Variants in GNA14 observed in about 807,000 individuals in gnomAD.
The protein encoded by GNA14 is guanine nucleotide-binding protein subunit alpha-14.
A neutral mutation model predicts 42.0 loss-of-function variants in GNA14; 50 were observed. That is an observed-to-expected ratio of 1.19 (90% CI 0.95 to 1.51). The LOEUF is 1.51. Ranked by LOEUF, GNA14 falls within the 40% of genes most tolerant of loss-of-function variation. The probability of loss-of-function intolerance (pLI) is 0.00; values close to 1 mark genes in which losing one functional copy is unlikely to be tolerated. For missense variants in GNA14, 473 were observed against 446.2 expected (o/e 1.06, Z -0.54); for synonymous variants, 173 against 163.1 (o/e 1.06, Z -0.46).
chr9:77,443,983 G>GC (rs1201701647), intron 2 of GNA14, among the ~76,000 whole-genome samples: 3 of 152,012 alleles, frequency 2.0e-5, no homozygotes, highest in Non-Finnish European at 4.4e-5. Context: ...CCTTGTCTCT[G>GC]AAAAAAACAA....
At chr9:77,512,936 T>TA (rs1837193582) in intron 2 of GNA14, among the ~76,000 whole-genome samples, 1 of 152,112 alleles carries the variant, frequency 6.6e-6, no homozygotes, top group African/African-American at 2.4e-5. Context: ...TCAAGGAAAA[T>TA]AAAAAAATAT....
chr9:77,516,861 C>T (rs1370434267), intron 2 of GNA14, among the ~76,000 whole-genome samples: 1 of 152,212 alleles, frequency 6.6e-6, no homozygotes, highest in Non-Finnish European at 1.5e-5. Flanking sequence ...ATCAAAACAT[C>T]TCTTACAACA....
At position 77,644,437 on chromosome 9, in the gene GNA14, C is replaced by CCAAAAAAAAAAAA. The variant is rs778013639; in HGVS notation, c.124+3232_124+3233insTTTTTTTTTTTTG. 4.2e-3 allele frequency among the ~76,000 whole-genome samples: 142 copies of CCAAAAAAAAAAAA among 34,022 alleles called. 3 individuals carry two copies. The highest frequency in any genetic ancestry group is 6.9e-3 in the South Asian group (4 of 576). The allele number at this position is 34,022 out of a possible 152,430, so 22.3% of individuals were successfully genotyped here. A position where few individuals can be genotyped will look rare whatever the true frequency, so the allele number is the denominator to read the frequency against. ...TACTGAACTCCAACCTAAAGAGTGT[C>CCAAAAAAAAAAAA]AAAAAAAAAAAAAAAAAAAAAAAAA... On this transcript the variant is annotated intron_variant, in intron 1 of 6. Transcript: ENST00000341700.
At chr9:77,511,641 G>A (rs1837172315) in intron 2 of GNA14, among the ~76,000 whole-genome samples, 1 of 152,196 alleles carries the variant, frequency 6.6e-6, no homozygotes, top group Non-Finnish European at 1.5e-5. Flanking sequence ...ATCCCAAGTG[G>A]GCACAGACCA....
chr9:77,579,011 C>T (rs1173750256), intron 1 of GNA14, among the ~76,000 whole-genome samples: 2 of 152,170 alleles, frequency 1.3e-5, no homozygotes, highest in Non-Finnish European at 2.9e-5. Flanking sequence ...ACTGCTGGGC[C>T]ACTGCCTCTG....
chr9:77,607,872 G>C (rs1823664223), intron 1 of GNA14, among the ~76,000 whole-genome samples: 3 of 152,090 alleles, frequency 2.0e-5, no homozygotes. Context: ...CATTGGACTG[G>C]GACCGCACCC....
intron 2 of GNA14, among the ~76,000 whole-genome samples, chr9:77,508,829 A>T (rs1837112104): frequency 6.6e-6 from 1 of 152,194 alleles, no homozygotes; most frequent in Non-Finnish European, 1.5e-5. Flanking sequence ...AGGGATGCAG[A>T]AGTAGCTTGA....
intron 1 of GNA14, among the ~76,000 whole-genome samples, chr9:77,613,239 T>G (rs2117949895): frequency 6.6e-6 from 1 of 152,312 alleles, no homozygotes; most frequent in African/African-American, 2.4e-5. Context: ...CATATAAATT[T>G]TAAGAGACAC....
At chr9:77,621,600 T>C (rs536816694) in intron 1 of GNA14, among the ~76,000 whole-genome samples, 1 of 152,280 alleles carries the variant, frequency 6.6e-6, no homozygotes, top group East Asian at 1.9e-4. Flanking sequence ...CCCGTTAATA[T>C]AGACACAAAT....
intron 2 of GNA14, among the ~76,000 whole-genome samples, chr9:77,505,896 T>C (rs1321551303): frequency 3.3e-5 from 5 of 152,162 alleles, no homozygotes; most frequent in Non-Finnish European, 5.9e-5. Context: ...GAAAATAGGT[T>C]AGACCAGCAC....
intron 2 of GNA14, among the ~76,000 whole-genome samples, chr9:77,515,960 C>CAAAAAAAAAGAAA (rs1837248845): frequency 1.9e-5 from 1 of 52,736 alleles, no homozygotes; most frequent in Non-Finnish European, 3.5e-5. Flanking sequence ...CCCTGTCTCA[C>CAAAAAAAAAGAAA]AAAAAAAAAA....
intron 2 of GNA14, among the ~76,000 whole-genome samples, chr9:77,479,216 G>A (rs1046877035): frequency 6.6e-6 from 1 of 152,182 alleles, no homozygotes; most frequent in Non-Finnish European, 1.5e-5. Flanking sequence ...GTAAGGAAGG[G>A]ATCCAGTTTC....
rs369680503 is a variant in GNA14 at position 77,457,540 on chromosome 9, C to T, written c.310-23018G>A. Among the ~76,000 whole-genome samples, 8 of 152,164 alleles carry T rather than the reference C, an allele frequency of 5.3e-5. No individual in the cohort carries two copies. In the South Asian group the frequency reaches 1.0e-3, roughly 20 times the overall value. On this transcript the variant is annotated intron_variant, in intron 2 of 6. Coordinates refer to ENST00000341700, the MANE Select transcript of GNA14 (RefSeq NM_004297.4). ...GTGTGATGGACCGGCAATGCCCTAC[C>T]GGAGTGTGAGAAAGCAGCCAAGAGG...
chr9:77,601,318 A>G (rs1339417142), intron 1 of GNA14, among the ~76,000 whole-genome samples: 1 of 152,226 alleles, frequency 6.6e-6, no homozygotes, highest in African/African-American at 2.4e-5. Flanking sequence ...GAGCAAAAAG[A>G]TCTAGTGTTC....
At chr9:77,588,269 A>AC (rs1462821464) in intron 1 of GNA14, among the ~76,000 whole-genome samples, 1 of 152,026 alleles carries the variant, frequency 6.6e-6, no homozygotes, top group African/African-American at 2.4e-5. Flanking sequence ...ACACCCTGAC[A>AC]CCCCTTCAGT....
chr9:77,628,046 TCAG>T (rs1279123010), intron 1 of GNA14, among the ~76,000 whole-genome samples: 2 of 152,176 alleles, frequency 1.3e-5, no homozygotes, highest in Non-Finnish European at 2.9e-5. Flanking sequence ...CAGCAAAGTC[TCAG>T]GATACAAAAT....
At chr9:77,503,907 C>T (rs1033921233) in intron 2 of GNA14, among the ~76,000 whole-genome samples, 1 of 152,064 alleles carries the variant, frequency 6.6e-6, no homozygotes, top group East Asian at 1.9e-4. Flanking sequence ...GTTTTGAACT[C>T]CTGACCTCAA....
chr9:77,590,009 C>T (rs1342807064), intron 1 of GNA14, among the ~76,000 whole-genome samples: 1 of 152,084 alleles, frequency 6.6e-6, no homozygotes, highest in Non-Finnish European at 1.5e-5. Context: ...CTCGGCCTCC[C>T]AGGTTCAAGT....
intron 6 of GNA14, 31 bp from the exon 7 acceptor site, chr9:77,424,200 A>G: frequency 2.7e-6 from 4 of 1,505,354 alleles, no homozygotes; most frequent in Non-Finnish European, 3.7e-6. Flanking sequence ...AGGAATAAAG[A>G]CACAGACTTA....
Sources: allele counts gnomAD v4.1 joint callset (sites outside exome capture counted in the v4.1 genomes callset), GRCh38; gene constraint gnomAD v4.1.1; transcripts MANE v1.5; gene names NCBI Gene and HGNC (gene_info 2026-07-23, HGNC 2026-07-21).